The following GPN1 variants were observed in gnomAD, a reference collection of about 807,000 sequenced individuals.
GPN1 encodes ATP(GTP)-binding protein.
Under a neutral mutation model 55.9 loss-of-function variants are expected in GPN1, and 44 were observed. The observed-to-expected ratio is 0.79, with a 90% CI of 0.62 to 1.01. GPN1 has a LOEUF of 1.01. GPN1 is among the 50% of genes least tolerant of loss of function. GPN1 has a pLI of 0.00. For missense variants in GPN1, 466 were observed against 462.8 expected (o/e 1.01, Z -0.06); for synonymous variants, 179 against 162.5 (o/e 1.10, Z -0.77).
chr2:27,629,027 T>G, upstream of GPN1: 1 of 1,613,894 alleles, frequency 6.2e-7, no homozygotes, highest in East Asian at 2.2e-5. Context: ...ATGCGGTGTC[T>G]CTATGGTCGG....
At chr2:27,649,745 CCA>C (rs1247307856) in intron 13 of GPN1, among the ~76,000 whole-genome samples, 1 of 152,116 alleles carries the variant, frequency 6.6e-6, no homozygotes, top group Non-Finnish European at 1.5e-5. Flanking sequence ...TGTGGATGTT[CCA>C]CAGTTTGTTT....
rs1674465514 is a variant in GPN1, at chr2:27,650,290, C to G, written c.*90C>G. 7 of 676,294 alleles carry G rather than the reference C, an allele frequency of 1.0e-5. No individual in the cohort carries two copies. Among genetic ancestry groups the G allele is most frequent in the Non-Finnish European group, 1.5e-5 (6 of 387,268 alleles). The allele number at this position is 676,294 out of a possible 1,614,324, so 41.9% of individuals were successfully genotyped here. A position where few individuals can be genotyped will look rare whatever the true frequency, so the allele number is the denominator to read the frequency against. ...TGTTCTTACCTCTGAACTGGGGGCT[C>G]CCATAAGGGATAATTTTCCTCAGAG... is the stretch of plus-strand genomic sequence containing the variant. On this transcript the variant is annotated 3_prime_UTR_variant, in exon 14 of 14. Transcript: ENST00000610189.
At chr2:27,638,387 G>A in intron 8 of GPN1, 132 bp downstream of exon 8, 1 of 595,288 alleles carries the variant, frequency 1.7e-6, no homozygotes, top group Non-Finnish European at 3.0e-6. Flanking sequence ...AAATTCATAG[G>A]CACTTCGAGA....
chr2:27,640,657 A>G (rs1045231629), intron 10 of GPN1, among the ~76,000 whole-genome samples: 1 of 152,218 alleles, frequency 6.6e-6, no homozygotes, highest in Non-Finnish European at 1.5e-5. Flanking sequence ...TAATACTGGA[A>G]TTCAAGTAAA....
chr2:27,645,636 T>C (rs1418294052), intron 12 of GPN1, among the ~76,000 whole-genome samples: 1 of 152,162 alleles, frequency 6.6e-6, no homozygotes, highest in Admixed American at 6.5e-5. Flanking sequence ...GTTTTTCTTA[T>C]TTCTTTTTAA....
intron 1 of GPN1, 32 bp from the exon 2 acceptor site, chr2:27,629,827 C>T (rs759690959): frequency 3.3e-6 from 4 of 1,200,090 alleles, no homozygotes; most frequent in Middle Eastern, 1.9e-4. Flanking sequence ...CCCTCTTTGT[C>T]TCCTTCCAAC....
upstream of GPN1, chr2:27,628,369 A>T: frequency 1.3e-6 from 2 of 1,526,940 alleles, no homozygotes; most frequent in Non-Finnish European, 1.8e-6. Flanking sequence ...GGAGGGGAGG[A>T]AGCTCCCCTC....
chr2:27,634,175 G>A (rs551080271), intron 5 of GPN1, among the ~76,000 whole-genome samples: 7 of 151,954 alleles, frequency 4.6e-5, no homozygotes, highest in Admixed American at 3.9e-4. Context: ...TCTTTTTAAT[G>A]TACTTATTGG....
intron 13 of GPN1, among the ~76,000 whole-genome samples, chr2:27,649,749 AGTTT>A (rs1294531065): frequency 1.3e-5 from 2 of 152,148 alleles, no homozygotes; most frequent in African/African-American, 4.8e-5. Flanking sequence ...GATGTTCCAC[AGTTT>A]GTTTATCCAT....
intron 8 of GPN1, 147 bp from the exon 9 acceptor site, chr2:27,638,738 T>C (rs1475971675): frequency 3.1e-6 from 2 of 644,922 alleles, no homozygotes; most frequent in East Asian, 5.5e-5. Context: ...ATTGTGGTTC[T>C]TTGTGGCTTG....
upstream of GPN1, chr2:27,628,755 G>C: frequency 1.3e-6 from 2 of 1,545,254 alleles, no homozygotes; most frequent in Middle Eastern, 3.4e-4. Context: ...CCTGCCCTCG[G>C]GACCCCATCT....
rs1260877662 is a variant in GPN1, at chr2:27,651,069, A to G, written c.*869A>G. ...AACTTAATGCAAAGTCTCCTTGGTG[A>G]TTTTCGCAAAGTCCGTGGATTTGGG... On this transcript the variant is annotated 3_prime_UTR_variant, in exon 14 of 14. Transcript: ENST00000610189. The G allele has an allele frequency of 1.3e-5, 2 of 152,320 alleles. No homozygotes were observed. Among genetic ancestry groups the G allele is most frequent in the Admixed American group, 6.5e-5 (1 of 15,276 alleles). 9.4% of individuals were successfully genotyped at this position (152,320 alleles called of 1,614,324 possible).
chr2:27,629,412 T>G lies in GPN1; in HGVS notation c.111+243T>G, dbSNP rs796494756. ...CCAGCTTACCACGTTGTACAGGAATTGTCTTGCTGATAAAATTGCGTTTCT... is the reference window on the plus strand; with the variant it reads ...CCAGCTTACCACGTTGTACAGGAATGGTCTTGCTGATAAAATTGCGTTTCT... On this transcript the variant is annotated intron_variant, in intron 1 of 13. Transcript: ENST00000610189. 5.2e-6 allele frequency: 8 copies of G among 1,551,102 alleles called. No homozygotes were observed. In the Admixed American group the frequency reaches 1.2e-4, roughly 23 times the overall value.
intron 10 of GPN1, among the ~76,000 whole-genome samples, chr2:27,640,834 T>C (rs1673916505): frequency 3.3e-5 from 5 of 152,204 alleles, no homozygotes; most frequent in Admixed American, 3.3e-4. Flanking sequence ...AAGGGTGTTA[T>C]CAAAACCTTA....
Position 27,634,865 on chromosome 2 carries a change from C to G in GPN1, c.370C>G (p.Pro124Ala). 3.8e-6 allele frequency: 6 copies of G among 1,589,568 alleles called. No homozygotes were observed. The highest frequency in any genetic ancestry group is 5.2e-6 in the Non-Finnish European group (6 of 1,157,656). Residue 124 changes from proline to alanine, a missense_variant, in exon 6 of 14, where the codon CCT becomes GCT. Coordinates refer to ENST00000610189, the MANE Select transcript of GPN1 (RefSeq NM_007266.4). ...ACATAGATATGTGTTGATTGACACA[C>G]CTGGACAGATTGAGGTATTCACCTG... ...NMSKYVLIDTPGQIEVFTWSA... is the reference protein window; with the variant it reads ...NMSKYVLIDTAGQIEVFTWSA...
Position 27,629,079 on chromosome 2 carries a change from C to A in GPN1, c.21C>A (p.Ala7=). The change falls in exon 1 of 14, where the codon GCC becomes GCA. Residue 7 remains alanine, a synonymous_variant. Transcript: ENST00000610189. MAASAA[A]AELQASGGPR... is the part of the protein sequence containing the mutation. ...GGAAGATGGCGGCGTCCGCAGCTGC[C>A]GCTGAGCTCCAGGCTTCTGGGGGTC... 1.2e-6 allele frequency: 2 copies of A among 1,614,194 alleles called. No individual in the cohort carries two copies. The highest frequency in any genetic ancestry group is 1.1e-5 in the South Asian group (1 of 91,088).
At chr2:27,639,936 A>G (rs918491314) in intron 9 of GPN1, 107 bp from the exon 10 acceptor site, 2 of 833,992 alleles carry the variant, frequency 2.4e-6, no homozygotes, top group African/African-American at 1.7e-5. Context: ...ACTTCTCAAA[A>G]TATAAACCAC....
At chr2:27,635,300 CTT>C (rs57185039) in intron 7 of GPN1, 66 bp downstream of exon 7, 4,344 of 515,730 alleles carry the variant, frequency 8.4e-3, no homozygotes, top group South Asian at 0.016. Flanking sequence ...TCTTCTTCCT[CTT>C]TTTTTTTTTT....
intron 7 of GPN1, among the ~76,000 whole-genome samples, chr2:27,637,006 A>G (rs866035039): frequency 2.6e-5 from 4 of 152,056 alleles, no homozygotes; most frequent in African/African-American, 7.2e-5. Flanking sequence ...GATGAAACAT[A>G]CAGTTGATCC....
Sources: allele counts gnomAD v4.1 joint callset (sites outside exome capture counted in the v4.1 genomes callset), GRCh38; gene constraint gnomAD v4.1.1; transcripts MANE v1.5; gene names NCBI Gene and HGNC (gene_info 2026-07-23, HGNC 2026-07-21).